The following PRKCH variants were observed in gnomAD, a reference collection of about 807,000 sequenced individuals.
PRKCH encodes protein kinase C eta type.
Under a neutral mutation model 82.5 loss-of-function variants are expected in PRKCH, and 28 were observed. The observed-to-expected ratio is 0.34, with a 90% CI of 0.25 to 0.47. The LOEUF is 0.47. Among genes scored for constraint, PRKCH ranks in the 20% least tolerant of loss-of-function variants. The pLI is 1.00. For missense variants in PRKCH, 705 were observed against 881.8 expected (o/e 0.80, Z 2.54); for synonymous variants, 322 against 327.4 (o/e 0.98, Z 0.18).
intron 1 of PRKCH, among the ~76,000 whole-genome samples, chr14:61,228,353 G>C (rs141749904): frequency 6.6e-6 from 1 of 152,162 alleles, no homozygotes; most frequent in Non-Finnish European, 1.5e-5. Context: ...AATGTGTTGC[G>C]CTCTGTTTAT....
At chr14:61,539,434 G>A (rs186484590) in intron 12 of PRKCH, among the ~76,000 whole-genome samples, 8 of 152,214 alleles carry the variant, frequency 5.3e-5, no homozygotes, top group African/African-American at 9.6e-5. Flanking sequence ...GAGTTTCATC[G>A]AGAGAAAATA....
intron 1 of PRKCH, among the ~76,000 whole-genome samples, chr14:61,334,181 G>T (rs953005812): frequency 1.3e-5 from 2 of 152,192 alleles, no homozygotes; most frequent in African/African-American, 2.4e-5. Context: ...CATCCAGTCA[G>T]TCATTCATAG....
chr14:61,456,268 G>T (rs922067601), intron 7 of PRKCH, among the ~76,000 whole-genome samples: 2 of 152,200 alleles, frequency 1.3e-5, no homozygotes, highest in East Asian at 3.8e-4. Context: ...TTGCAGAGCT[G>T]TTATTGAATC....
At chr14:61,444,097 T>G (rs36119665) in intron 3 of PRKCH, among the ~76,000 whole-genome samples, 4 of 152,222 alleles carry the variant, frequency 2.6e-5, no homozygotes, top group Non-Finnish European at 5.9e-5. Flanking sequence ...TTGTATTTTG[T>G]TTTCTGTGAT....
chr14:61,480,115 A>G (rs1885903715), intron 9 of PRKCH, among the ~76,000 whole-genome samples: 1 of 152,264 alleles, frequency 6.6e-6, no homozygotes, highest in South Asian at 2.1e-4. Context: ...GTAAAGCTGT[A>G]CAGATGTGCA....
At chr14:61,502,065 CTT>C (rs869064641) in intron 10 of PRKCH, among the ~76,000 whole-genome samples, 1 of 6,418 alleles carries the variant, frequency 1.6e-4, no homozygotes. Flanking sequence ...CTTTTCTTTT[CTT>C]TTTTTTTTTT....
intron 1 of PRKCH, among the ~76,000 whole-genome samples, chr14:61,234,174 A>G (rs1186496553): frequency 6.6e-6 from 1 of 152,166 alleles, no homozygotes; most frequent in Admixed American, 6.5e-5. Context: ...GCCAGATGGG[A>G]TGAAGACATA....
chr14:61,260,399 A>C (rs776702744), intron 1 of PRKCH, among the ~76,000 whole-genome samples: 1 of 152,214 alleles, frequency 6.6e-6, no homozygotes, highest in African/African-American at 2.4e-5. Flanking sequence ...CTAGAAGATC[A>C]TGGAATCTCA....
intron 1 of PRKCH, among the ~76,000 whole-genome samples, chr14:61,387,059 G>A (rs1015734194): frequency 6.6e-6 from 1 of 152,156 alleles, no homozygotes; most frequent in African/African-American, 2.4e-5. Flanking sequence ...TAGCTCAGTG[G>A]GGGGACAACA....
intron 2 of PRKCH, among the ~76,000 whole-genome samples, chr14:61,431,131 A>G (rs1883373101): frequency 6.6e-6 from 1 of 152,100 alleles, no homozygotes; most frequent in African/African-American, 2.4e-5. Flanking sequence ...AAAATGGTGG[A>G]GTTTAGCTGG....
At chr14:61,480,152 T>C (rs964941011) in intron 9 of PRKCH, among the ~76,000 whole-genome samples, 1 of 152,206 alleles carries the variant, frequency 6.6e-6, no homozygotes, top group African/African-American at 2.4e-5. Flanking sequence ...AAATGGACTT[T>C]AGAAAAACCA....
At position 61,280,037 on chromosome 14, in the gene PRKCH, A is replaced by G. The variant is rs2140091685; in HGVS notation, c.-19+92369A>G. The stretch of plus-strand genomic sequence containing the variant: ...GTGACGGGCGAGGAGGAGATGCCAA[A>G]AGCACCTTGCAAGAGTTTTGGCAAG... On this transcript the variant is annotated intron_variant, in intron 1 of 3. Transcript: ENST00000555185. The surrounding 1 kb of genome is among the most constrained non-coding windows in gnomAD (Gnocchi z 5.0). 6.8e-7 allele frequency: 1 copy of G among 1,479,306 alleles called. No homozygotes were observed. Among genetic ancestry groups the G allele is most frequent in the Non-Finnish European group, 9.1e-7 (1 of 1,103,524 alleles). The allele number at this position is 1,479,306 out of a possible 1,614,324, so 91.6% of individuals were successfully genotyped here. A position where few individuals can be genotyped will look rare whatever the true frequency, so the allele number is the denominator to read the frequency against.
chr14:61,342,549 A>G (rs927552050), intron 1 of PRKCH, among the ~76,000 whole-genome samples: 10 of 152,122 alleles, frequency 6.6e-5, no homozygotes, highest in African/African-American at 2.2e-4. Context: ...CTTCATCACT[A>G]TGTTCTATGG....
intron 10 of PRKCH, among the ~76,000 whole-genome samples, chr14:61,506,868 C>T (rs1887173507): frequency 6.6e-6 from 1 of 152,126 alleles, no homozygotes; most frequent in Non-Finnish European, 1.5e-5. Context: ...CATGTCTAAG[C>T]CCTAAATTGC....
intron 1 of PRKCH, among the ~76,000 whole-genome samples, chr14:61,240,170 G>A (rs748315006): frequency 6.6e-6 from 1 of 152,152 alleles, no homozygotes; most frequent in Non-Finnish European, 1.5e-5. Flanking sequence ...ACGGACACAC[G>A]TGGAGTGATT....
At chr14:61,494,716 A>G (rs1367032380) in intron 10 of PRKCH, among the ~76,000 whole-genome samples, 2 of 152,254 alleles carry the variant, frequency 1.3e-5, no homozygotes, top group Non-Finnish European at 2.9e-5. Flanking sequence ...TGGTATCCAT[A>G]GGCATAGGCA....
At chr14:61,226,601 A>C (rs1484627611) in intron 1 of PRKCH, among the ~76,000 whole-genome samples, 1 of 152,242 alleles carries the variant, frequency 6.6e-6, no homozygotes, top group Non-Finnish European at 1.5e-5. Flanking sequence ...ATGTGGCAGA[A>C]AACTGGATGT....
chr14:61,331,619 A>T (rs1190510232), intron 1 of PRKCH, among the ~76,000 whole-genome samples: 1 of 152,232 alleles, frequency 6.6e-6, no homozygotes, highest in Non-Finnish European at 1.5e-5. Flanking sequence ...GGGTGTCAGG[A>T]GAACTGGGTT....
chr14:61,359,845 A>G (rs1057091755), intron 1 of PRKCH, among the ~76,000 whole-genome samples: 5 of 152,238 alleles, frequency 3.3e-5, no homozygotes, highest in African/African-American at 9.6e-5. Flanking sequence ...GTAACTGATG[A>G]CTAGTGGCTA....
Sources: gnomAD v4.1 joint callset for allele counts (sites outside exome capture counted in the v4.1 genomes callset) on GRCh38, gnomAD v4.1.1 for gene constraint, Gnocchi (gnomAD v3.1) non-coding constraint, MANE v1.5 for transcripts, NCBI Gene and HGNC (gene_info 2026-07-23, HGNC 2026-07-21) for gene names.